ERBB4: variants seen among roughly 807,000 people sequenced by gnomAD.
ERBB4 encodes erb-b2 receptor tyrosine kinase 4.
A neutral mutation model predicts 158.0 loss-of-function variants in ERBB4; 42 were observed. The observed-to-expected ratio is 0.27, with a 90% CI of 0.21 to 0.34. ERBB4 has a LOEUF of 0.34. Among genes scored for constraint, ERBB4 ranks in the 10% least tolerant of loss-of-function variants. ERBB4 has a pLI of 1.00. For synonymous variants in ERBB4, 583 were observed against 558.7 expected (o/e 1.04, Z -0.61); for missense variants, 1,333 against 1,624.1 (o/e 0.82, Z 3.08).
At chr2:211,829,955 A>G (rs1197012833) in intron 3 of ERBB4, among the ~76,000 whole-genome samples, 1 of 152,162 alleles carries the variant, frequency 6.6e-6, no homozygotes, top group African/African-American at 2.4e-5. Context: ...TACTCCAATC[A>G]CATTACTTGG....
intron 3 of ERBB4, among the ~76,000 whole-genome samples, chr2:211,857,072 T>C (rs890892303): frequency 3.3e-5 from 5 of 152,134 alleles, no homozygotes; most frequent in African/African-American, 1.2e-4. Flanking sequence ...TATTCTGGCA[T>C]ATGGTTGTCA....
chr2:212,432,748 T>C (rs569611774), intron 1 of ERBB4, among the ~76,000 whole-genome samples: 1 of 152,234 alleles, frequency 6.6e-6, no homozygotes, highest in African/African-American at 2.4e-5. Flanking sequence ...CCACAGAAGT[T>C]GTGAAAGGTG....
intron 1 of ERBB4, among the ~76,000 whole-genome samples, chr2:212,281,893 T>C (rs2085771656): frequency 2.0e-5 from 3 of 151,728 alleles, no homozygotes; most frequent in African/African-American, 7.3e-5. Context: ...AGTGTAAAAA[T>C]CAATTGTCTA....
At chr2:211,621,203 T>C (rs1006605719) in intron 18 of ERBB4, among the ~76,000 whole-genome samples, 4 of 152,044 alleles carry the variant, frequency 2.6e-5, no homozygotes, top group African/African-American at 9.6e-5. Context: ...ATTTATTAAA[T>C]TATTCTTTTT....
intron 1 of ERBB4, among the ~76,000 whole-genome samples, chr2:212,300,618 G>C (rs944057430): frequency 2.0e-5 from 3 of 151,386 alleles, no homozygotes; most frequent in Non-Finnish European, 4.4e-5. Context: ...GTGATAAGAG[G>C]AGTGGGGTGA....
At chr2:212,030,159 A>C (rs2076868081) in intron 2 of ERBB4, among the ~76,000 whole-genome samples, 1 of 152,124 alleles carries the variant, frequency 6.6e-6, no homozygotes, top group Non-Finnish European at 1.5e-5. Context: ...GAAATGTATG[A>C]ACGCACTTCC....
At chr2:211,722,930 C>T (rs999851231) in intron 6 of ERBB4, among the ~76,000 whole-genome samples, 4 of 152,180 alleles carry the variant, frequency 2.6e-5, no homozygotes, top group Non-Finnish European at 5.9e-5. Flanking sequence ...TTAAAGAGTT[C>T]CATATCCCAA....
At chr2:211,539,544 T>A (rs1373207809) in intron 20 of ERBB4, among the ~76,000 whole-genome samples, 3 of 152,028 alleles carry the variant, frequency 2.0e-5, no homozygotes, top group Admixed American at 6.6e-5. Context: ...TCTGCATTTT[T>A]AAAATAAATA....
At chr2:212,534,703 G>T (rs1394828891) in intron 1 of ERBB4, among the ~76,000 whole-genome samples, 1 of 152,178 alleles carries the variant, frequency 6.6e-6, no homozygotes, top group Non-Finnish European at 1.5e-5. Context: ...AAGATGTAAA[G>T]AGAGAATCTA....
Position 212,165,552 on chromosome 2 carries a change from T to C in ERBB4, c.83-40649A>G, listed in dbSNP as rs148349190. Among the ~76,000 whole-genome samples, 25 of 152,190 alleles carry C rather than the reference T, an allele frequency of 1.6e-4. No individual in the cohort carries two copies. The East Asian group carries it at 4.7e-3, about 28-fold the overall frequency. ...GAAGTGGGCTGTTCATAATAGCTTC[T>C]AAGAAAGCTTTTTTCTTTTCTTTTC... On this transcript the variant is annotated intron_variant, in intron 1 of 27. Coordinates refer to ENST00000342788, the MANE Select transcript of ERBB4 (RefSeq NM_005235.3).
chr2:211,797,830 T>A (rs2076414834), intron 3 of ERBB4, among the ~76,000 whole-genome samples: 1 of 152,050 alleles, frequency 6.6e-6, no homozygotes, highest in Non-Finnish European at 1.5e-5. Flanking sequence ...TTAATTTTCT[T>A]TTAAAATGAA....
At chr2:211,913,893 C>A in intron 3 of ERBB4, among the ~76,000 whole-genome samples, 1 of 150,380 alleles carries the variant, frequency 6.6e-6, no homozygotes, top group South Asian at 2.1e-4. Context: ...ATGAACACCT[C>A]AAATAAAACA....
Position 212,227,169 on chromosome 2 carries a change from C to A in ERBB4, c.83-102266G>T, listed in dbSNP as rs7563370. 2.3e-3 allele frequency among the ~76,000 whole-genome samples: 344 copies of A among 150,026 alleles called. 2 individuals carry two copies. Among genetic ancestry groups the A allele is most frequent in the African/African-American group, 7.9e-3 (322 of 40,592 alleles). ...CTGAGGCAGGAGAATTGTTTGAACC[C>A]GGGAGGTGGAGGTTGCAGTGAGCCA... On this transcript the variant is annotated intron_variant, in intron 1 of 27. Coordinates refer to ENST00000342788, the MANE Select transcript of ERBB4 (RefSeq NM_005235.3).
At chr2:211,725,281 C>A in intron 5 of ERBB4, 87 bp from the exon 6 acceptor site, 1 of 958,172 alleles carries the variant, frequency 1.0e-6, no homozygotes, top group South Asian at 1.3e-5. Flanking sequence ...ATTTCTCACC[C>A]TGTCTTTGAC....
chr2:212,356,226 C>T (rs764024026), intron 1 of ERBB4, among the ~76,000 whole-genome samples: 3 of 151,938 alleles, frequency 2.0e-5, no homozygotes, highest in Admixed American at 6.6e-5. Flanking sequence ...TTGGAGGGGG[C>T]AGTCAACCAT....
rs2091172415 is a variant in ERBB4 at position 212,400,514 on chromosome 2, T to TA, written c.82+137934dup. On this transcript the variant is annotated intron_variant, in intron 1 of 27. Coordinates refer to ENST00000342788, the MANE Select transcript of ERBB4 (RefSeq NM_005235.3). ...GATCACTAAAATTTAACCTGATACC[T>TA]AAAAGAGTTCTCTTGATAAAATCTT... 2.6e-5 allele frequency among the ~76,000 whole-genome samples: 4 copies of TA among 152,300 alleles called. No homozygotes were observed. The South Asian group carries it at 8.3e-4, about 32-fold the overall frequency.
At chr2:211,460,491 T>A (rs1559190406) in intron 20 of ERBB4, among the ~76,000 whole-genome samples, 1 of 152,126 alleles carries the variant, frequency 6.6e-6, no homozygotes, top group East Asian at 1.9e-4. Flanking sequence ...GTTGAACAAC[T>A]GGGGGTAGAT....
rs1336382780 is a variant in ERBB4, at chr2:212,072,394, A to G, written c.234+52358T>C. ...AATGATGATAGTTTTCCGTATTCGA[A>G]TGTCTAAATTCACAAATCCTTAAAA... On this transcript the variant is annotated intron_variant, in intron 2 of 27. Transcript: ENST00000342788. Among the ~76,000 whole-genome samples, 6 of 151,948 alleles carry G rather than the reference A, an allele frequency of 3.9e-5. No individual in the cohort carries two copies. In the East Asian group the frequency reaches 1.2e-3, roughly 29 times the overall value.
intron 4 of ERBB4, among the ~76,000 whole-genome samples, chr2:211,753,579 G>A (rs2075199385): frequency 6.6e-6 from 1 of 151,908 alleles, no homozygotes; most frequent in East Asian, 1.9e-4. Flanking sequence ...TTGGATGAAA[G>A]CAGGTGGAGC....
Sources: allele counts gnomAD v4.1 joint callset (sites outside exome capture counted in the v4.1 genomes callset), GRCh38; gene constraint gnomAD v4.1.1; transcripts MANE v1.5; gene names NCBI Gene and HGNC (gene_info 2026-07-23, HGNC 2026-07-21).